The following TRAPPC12 variants were observed in gnomAD, a reference collection of about 807,000 sequenced individuals.
The protein encoded by TRAPPC12 is TPR repeat protein 15.
In TRAPPC12, 61 loss-of-function variants were observed where a neutral mutation model predicts 69.2. That is an observed-to-expected ratio of 0.88 (90% CI 0.72 to 1.09). The LOEUF is 1.09. TRAPPC12 is among the 50% of genes least tolerant of loss of function. TRAPPC12 has a pLI of 0.00. For missense variants in TRAPPC12, 1,101 were observed against 1,016.4 expected, an observed-to-expected ratio of 1.08 and a Z score of -1.13; for synonymous variants, 469 against 438.9, an observed-to-expected ratio of 1.07 and a Z score of -0.86.
intron 3 of TRAPPC12, among the ~76,000 whole-genome samples, chr2:3,402,791 G>A (rs1661518923): frequency 6.6e-6 from 1 of 152,160 alleles, no homozygotes; most frequent in Non-Finnish European, 1.5e-5. Context: ...TAAGTACTCT[G>A]AAATGAGAGC....
At chr2:3,469,955 A>G (rs1483368771) in intron 9 of TRAPPC12, among the ~76,000 whole-genome samples, 2 of 152,228 alleles carry the variant, frequency 1.3e-5, no homozygotes, top group Admixed American at 1.3e-4. Flanking sequence ...TCTTATGTGC[A>G]TGGAGATACA....
At chr2:3,389,155 C>T (rs1290263897) in intron 2 of TRAPPC12, among the ~76,000 whole-genome samples, 2 of 152,240 alleles carry the variant, frequency 1.3e-5, no homozygotes, top group Non-Finnish European at 2.9e-5. Context: ...TGTTCGATCT[C>T]ACTACTAATG....
intron 6 of TRAPPC12, among the ~76,000 whole-genome samples, chr2:3,453,252 AGGC>A (rs1664944935): frequency 1.3e-5 from 2 of 152,318 alleles, no homozygotes; most frequent in African/African-American, 4.8e-5. Flanking sequence ...ACTTCCCAGC[AGGC>A]GCTAAGCACC....
chr2:3,444,642 A>G (rs1450260912), intron 6 of TRAPPC12, among the ~76,000 whole-genome samples: 1 of 152,256 alleles, frequency 6.6e-6, no homozygotes, highest in Non-Finnish European at 1.5e-5. Context: ...GCAGCATATT[A>G]TAATTTTTGG....
chr2:3,457,111 C>T lies in TRAPPC12; in HGVS notation c.1531-510C>T, dbSNP rs762400509. On this transcript the variant is annotated intron_variant, in intron 6 of 11. Transcript: ENST00000324266. ...GGTGCACATACACTGTGGAATACTA[C>T]GCAGCCGTAAAAAAAGAACCAAATC... 4.7e-5 allele frequency: 22 copies of T among 464,482 alleles called. No individual in the cohort carries two copies. In the East Asian group the frequency reaches 6.9e-4, roughly 15 times the overall value. 28.8% of individuals were successfully genotyped at this position (464,482 alleles called of 1,614,324 possible).
At chr2:3,458,246 CGGG>C in intron 7 of TRAPPC12, 1 of 987,432 alleles carries the variant, frequency 1.0e-6, no homozygotes, top group South Asian at 4.7e-5. Flanking sequence ...AGCTGCAGCT[CGGG>C]GAGTGCGTTA....
chr2:3,462,188 A>G (rs1363300454), intron 8 of TRAPPC12, among the ~76,000 whole-genome samples: 2 of 152,228 alleles, frequency 1.3e-5, no homozygotes, highest in Non-Finnish European at 2.9e-5. Flanking sequence ...ATAGAAAACG[A>G]CGGAATGGGC....
At chr2:3,410,653 CG>C (rs1323787032) in intron 3 of TRAPPC12, among the ~76,000 whole-genome samples, 1 of 152,152 alleles carries the variant, frequency 6.6e-6, no homozygotes, top group Non-Finnish European at 1.5e-5. Flanking sequence ...TTAAAAAATA[CG>C]TAAGTATCCA....
intron 7 of TRAPPC12, among the ~76,000 whole-genome samples, chr2:3,459,385 A>C (rs1289363307): frequency 1.3e-5 from 2 of 152,136 alleles, no homozygotes; most frequent in Admixed American, 1.3e-4. Flanking sequence ...TAATATGTTC[A>C]TTTCAGATTA....
intron 5 of TRAPPC12, among the ~76,000 whole-genome samples, chr2:3,425,667 G>A (rs1283452967): frequency 4.6e-5 from 7 of 152,174 alleles, no homozygotes; most frequent in African/African-American, 7.2e-5. Flanking sequence ...TTGCAGGCTC[G>A]ATTGTCAGCA....
intron 3 of TRAPPC12, among the ~76,000 whole-genome samples, chr2:3,403,771 A>G (rs1006451009): frequency 2.0e-5 from 3 of 152,208 alleles, no homozygotes; most frequent in African/African-American, 7.2e-5. Flanking sequence ...CTTACTTGCA[A>G]GAAGACTACA....
chr2:3,416,990 G>A (rs1208788395), intron 3 of TRAPPC12, among the ~76,000 whole-genome samples: 2 of 150,938 alleles, frequency 1.3e-5, no homozygotes, highest in African/African-American at 2.4e-5. Flanking sequence ...ACCTGCTCCC[G>A]CTCCTCTCAG....
chr2:3,387,997 C>T lies in TRAPPC12; in HGVS notation c.374C>T (p.Pro125Leu). ...GACTGTGCCCCCGAGGACGCGGCAC[C>T]CAGTAGCGGAGGGGCCCCGAGGCAG... ...DGDCAPEDAAPSSGGAPRQDA... is the reference protein window; with the variant it reads ...DGDCAPEDAALSSGGAPRQDA... Residue 125 changes from proline to leucine, a missense_variant, in exon 2 of 12, where the codon CCC becomes CTC. Transcript: ENST00000324266. 1 of 1,470,234 alleles carries T rather than the reference C, an allele frequency of 6.8e-7. No homozygotes were observed. Among genetic ancestry groups the T allele is most frequent in the Non-Finnish European group, 8.9e-7 (1 of 1,117,614 alleles). 91.1% of individuals were successfully genotyped at this position (1,470,234 alleles called of 1,614,324 possible). A position where few individuals can be genotyped will look rare whatever the true frequency, so the allele number is the denominator to read the frequency against.
rs548068716 is a variant in TRAPPC12, at chr2:3,388,426, C to T, written c.803C>T (p.Pro268Leu). The change falls in exon 2 of 12, where the codon CCC (proline) becomes CTC (leucine). Residue 268 changes from proline (P) to leucine (L), a missense_variant. Physicochemically the swap from Pro to Leu is moderately conservative, Grantham distance 98. Coordinates refer to ENST00000324266, the MANE Select transcript of TRAPPC12 (RefSeq NM_016030.6). ...CCCGAACCCGTGGCCATGCGAGGGC[C>T]CCAGGCAGCTGCGCCCCCGGCGTCG... is the stretch of plus-strand genomic sequence containing the variant. ...GRPEPVAMRG[P>L]QAAAPPASPE... 78 of 1,606,636 alleles carry T rather than the reference C, an allele frequency of 4.9e-5. No individual in the cohort carries two copies. The African/African-American group carries it at 9.7e-4, about 20-fold the overall frequency.
chr2:3,417,492 A>G (rs1662485869), intron 3 of TRAPPC12, among the ~76,000 whole-genome samples: 1 of 152,066 alleles, frequency 6.6e-6, no homozygotes, highest in Non-Finnish European at 1.5e-5. Flanking sequence ...AGAAGCACCC[A>G]GTTGCCCCTC....
At chr2:3,431,203 G>A (rs146125753) in intron 5 of TRAPPC12, among the ~76,000 whole-genome samples, 6 of 152,322 alleles carry the variant, frequency 3.9e-5, no homozygotes, top group East Asian at 3.9e-4. Context: ...GTCTTCCATC[G>A]AGTACAGTGG....
rs183149543 is a variant in TRAPPC12, at chr2:3,386,399, T to C, written c.-4-1221T>C. 3.3e-5 allele frequency among the ~76,000 whole-genome samples: 5 copies of C among 152,356 alleles called. No homozygotes were observed. In the East Asian group the frequency reaches 9.6e-4, roughly 29 times the overall value. On this transcript the variant is annotated intron_variant, in intron 1 of 11. Transcript: ENST00000324266. ...TGAGCTCTTTGTCTCATTCTTTGGC[T>C]GGTCCTGGTTTCCCCACTCACTAGC...
chr2:3,441,693 TTATAA>T (rs1664214235), intron 5 of TRAPPC12, among the ~76,000 whole-genome samples: 1 of 149,754 alleles, frequency 6.7e-6, no homozygotes, highest in Non-Finnish European at 1.5e-5. Flanking sequence ...TTTTATTTTC[TTATAA>T]TAAAATAATA....
intron 2 of TRAPPC12, chr2:3,389,710 C>T (rs1374666878): frequency 6.4e-6 from 3 of 471,014 alleles, no homozygotes; most frequent in African/African-American, 4.0e-5. Context: ...GTCTTGGTAC[C>T]TGCACTCCGC....
Sources: gnomAD v4.1 joint callset for allele counts (sites outside exome capture counted in the v4.1 genomes callset) on GRCh38, gnomAD v4.1.1 for gene constraint, MANE v1.5 for transcripts, NCBI Gene and HGNC (gene_info 2026-07-23, HGNC 2026-07-21) for gene names.